PHACTR1: variants seen among roughly 807,000 people sequenced by gnomAD.
PHACTR1 encodes the protein phosphatase and actin regulator 1.
In PHACTR1, 16 loss-of-function variants were observed where a neutral mutation model predicts 69.2. The ratio of observed to expected loss-of-function variants is 0.23; its 90% CI spans 0.16 to 0.35. The LOEUF (loss-of-function observed/expected upper bound fraction) is 0.35. PHACTR1 is among the 10% of genes least tolerant of loss of function. The pLI is 1.00. For synonymous variants in PHACTR1, 312 were observed against 284.5 expected (o/e 1.10, Z -0.97); for missense variants, 510 against 734.7 (o/e 0.69, Z 3.54).
chr6:13,183,618 T>A (rs1323924231), intron 7 of PHACTR1, among the ~76,000 whole-genome samples: 1 of 151,982 alleles, frequency 6.6e-6, no homozygotes, highest in Non-Finnish European at 1.5e-5. Flanking sequence ...GAACACCTGA[T>A]CAGGGAGGAG....
At chr6:12,920,975 G>A (rs1431006466) in intron 4 of PHACTR1, among the ~76,000 whole-genome samples, 2 of 152,202 alleles carry the variant, frequency 1.3e-5, no homozygotes, top group African/African-American at 4.8e-5. Context: ...ATTTGATTTT[G>A]GTACTACTAT....
chr6:12,845,760 G>T (rs1779200265), intron 4 of PHACTR1, among the ~76,000 whole-genome samples: 1 of 152,120 alleles, frequency 6.6e-6, no homozygotes, highest in South Asian at 2.1e-4. Flanking sequence ...TCCCTGCAAT[G>T]TACGTTATCT....
At chr6:13,075,219 C>T (rs932841018) in intron 5 of PHACTR1, among the ~76,000 whole-genome samples, 1 of 152,184 alleles carries the variant, frequency 6.6e-6, no homozygotes, top group Non-Finnish European at 1.5e-5. Context: ...CCTATTATCA[C>T]AAACCCATAT....
intron 5 of PHACTR1, among the ~76,000 whole-genome samples, chr6:13,080,372 C>T (rs886774576): frequency 3.9e-5 from 6 of 152,040 alleles, no homozygotes; most frequent in African/African-American, 1.4e-4. Context: ...CAAAATTAAC[C>T]CTATTGAAGT....
intron 4 of PHACTR1, among the ~76,000 whole-genome samples, chr6:13,036,009 A>G (rs1803248764): frequency 6.6e-6 from 1 of 152,168 alleles, no homozygotes; most frequent in Non-Finnish European, 1.5e-5. Flanking sequence ...ATGTTTACAT[A>G]TATTCATTTC....
chr6:13,157,786 CT>C (rs1758394950), intron 5 of PHACTR1, among the ~76,000 whole-genome samples: 1 of 152,198 alleles, frequency 6.6e-6, no homozygotes, highest in African/African-American at 2.4e-5. Flanking sequence ...ACCCAAACAT[CT>C]GTAACAAACC....
At chr6:12,860,545 G>T (rs1336969624) in intron 4 of PHACTR1, among the ~76,000 whole-genome samples, 1 of 152,028 alleles carries the variant, frequency 6.6e-6, no homozygotes, top group Non-Finnish European at 1.5e-5. Context: ...TGGTATTTCT[G>T]GTGCTAGATC....
At chr6:12,848,657 G>A (rs1779528853) in intron 4 of PHACTR1, among the ~76,000 whole-genome samples, 1 of 152,140 alleles carries the variant, frequency 6.6e-6, no homozygotes, top group Non-Finnish European at 1.5e-5. Context: ...ACATTTCAGT[G>A]TTACTGATCA....
At chr6:12,717,108 C>T (rs1007168937) in intron 1 of PHACTR1, among the ~76,000 whole-genome samples, 3 of 152,054 alleles carry the variant, frequency 2.0e-5, no homozygotes, top group Non-Finnish European at 4.4e-5. Context: ...AGCCTAGATG[C>T]CGGTGGCTGT....
At chr6:12,808,343 T>A (rs1207489720) in intron 4 of PHACTR1, among the ~76,000 whole-genome samples, 1 of 152,186 alleles carries the variant, frequency 6.6e-6, no homozygotes, top group Non-Finnish European at 1.5e-5. Context: ...TTTTGAAACA[T>A]TTCAGGAGGG....
At chr6:13,174,859 T>G (rs2113664237) in intron 6 of PHACTR1, among the ~76,000 whole-genome samples, 1 of 152,288 alleles carries the variant, frequency 6.6e-6, no homozygotes, top group South Asian at 2.1e-4. Flanking sequence ...TGGTACTAAC[T>G]TCATAGGATG....
At chr6:13,041,016 A>G (rs908933593) in intron 4 of PHACTR1, among the ~76,000 whole-genome samples, 2 of 152,214 alleles carry the variant, frequency 1.3e-5, no homozygotes, top group Non-Finnish European at 2.9e-5. Context: ...TAATTTAAAA[A>G]TAAACACTAA....
At chr6:12,741,243 G>A (rs1764999541) in intron 3 of PHACTR1, among the ~76,000 whole-genome samples, 1 of 151,912 alleles carries the variant, frequency 6.6e-6, no homozygotes, top group South Asian at 2.1e-4. Flanking sequence ...GTGTCAGCAT[G>A]TCTATCTATT....
intron 4 of PHACTR1, among the ~76,000 whole-genome samples, chr6:12,936,338 C>T (rs1425721231): frequency 6.6e-6 from 1 of 152,070 alleles, no homozygotes; most frequent in East Asian, 1.9e-4. Context: ...ATTAATCTAG[C>T]CTGAGGCACT....
At chr6:12,756,476 TAAAAGAC>T (rs958757064) in intron 4 of PHACTR1, among the ~76,000 whole-genome samples, 1 of 152,172 alleles carries the variant, frequency 6.6e-6, no homozygotes, top group African/African-American at 2.4e-5. Flanking sequence ...GGTAGTTAAA[TAAAAGAC>T]AAAATCAATT....
intron 4 of PHACTR1, among the ~76,000 whole-genome samples, chr6:13,024,040 G>T (rs970300196): frequency 4.0e-5 from 6 of 151,320 alleles, no homozygotes; most frequent in African/African-American, 1.5e-4. Flanking sequence ...TCGAGCCACT[G>T]CACTCCAGCC....
At chr6:12,850,349 T>G (rs1306826951) in intron 4 of PHACTR1, among the ~76,000 whole-genome samples, 1 of 152,246 alleles carries the variant, frequency 6.6e-6, no homozygotes, top group African/African-American at 2.4e-5. Flanking sequence ...CAGGCCCGCG[T>G]GCAGATGCAA....
chr6:12,984,786 A>C (rs59705523), intron 4 of PHACTR1, among the ~76,000 whole-genome samples: 70,852 of 151,772 alleles, frequency 0.47, 17,986 homozygotes, highest in African/African-American at 0.67. Flanking sequence ...TTTCATAAGG[A>C]AAAAGCAAAC....
At chr6:13,261,964 TGAA>T (rs1775973085) in intron 10 of PHACTR1, among the ~76,000 whole-genome samples, 1 of 152,228 alleles carries the variant, frequency 6.6e-6, no homozygotes, top group Admixed American at 6.5e-5. Context: ...AGCCAGATCA[TGAA>T]GAATCTTTCA....
Sources: gnomAD v4.1 joint callset for allele counts (sites outside exome capture counted in the v4.1 genomes callset) on GRCh38, gnomAD v4.1.1 for gene constraint, MANE v1.5 for transcripts, NCBI Gene and HGNC (gene_info 2026-07-23, HGNC 2026-07-21) for gene names.